NUB1: variants seen among roughly 807,000 people sequenced by gnomAD.
NUB1 encodes the protein negative regulator of ubiquitin like proteins 1.
In NUB1, 41 loss-of-function variants were observed where a neutral mutation model predicts 77.1. The ratio of observed to expected loss-of-function variants is 0.53; its 90% CI spans 0.41 to 0.69. NUB1 has a LOEUF of 0.69. NUB1 is among the 30% of genes least tolerant of loss of function. The pLI is 0.00. For missense variants in NUB1, 643 were observed against 743.8 expected (o/e 0.86, Z 1.58); for synonymous variants, 257 against 281.0 (o/e 0.91, Z 0.85).
chr7:151,367,393 G>T (rs1797742505), intron 9 of NUB1, among the ~76,000 whole-genome samples: 1 of 152,218 alleles, frequency 6.6e-6, no homozygotes, highest in Admixed American at 6.5e-5. Context: ...CCAGGAGAGA[G>T]CTGCTGACTT....
intron 11 of NUB1, among the ~76,000 whole-genome samples, chr7:151,371,404 G>A (rs1473984549): frequency 5.1e-5 from 6 of 118,620 alleles, no homozygotes; most frequent in Admixed American, 2.5e-4. Flanking sequence ...GTCACAACAA[G>A]GGCCATAATC....
intron 2 of NUB1, among the ~76,000 whole-genome samples, chr7:151,348,569 CTTTTT>C (rs59781719): frequency 0.077 from 5,370 of 69,888 alleles, 139 homozygotes; most frequent in East Asian, 0.37. Flanking sequence ...TTGCTTTTTG[CTTTTT>C]TTTTTTTTTT....
At chr7:151,342,030 T>C in intron 1 of NUB1, 184 bp downstream of exon 1, 2 of 1,156,512 alleles carry the variant, frequency 1.7e-6, no homozygotes, top group Non-Finnish European at 2.2e-6. Context: ...GGGCCGGGCT[T>C]CGGGACGCGC....
At chr7:151,373,787 G>A (rs1463702773) in intron 11 of NUB1, among the ~76,000 whole-genome samples, 1 of 152,260 alleles carries the variant, frequency 6.6e-6, no homozygotes, top group East Asian at 1.9e-4. Context: ...TGCAGTGGGA[G>A]TGCTGGGTTG....
chr7:151,345,907 A>T (rs184744852), intron 2 of NUB1, among the ~76,000 whole-genome samples: 2 of 152,292 alleles, frequency 1.3e-5, no homozygotes, highest in East Asian at 1.9e-4. Context: ...TTTTTCCAAA[A>T]TAGGTTTTTT....
intron 12 of NUB1, among the ~76,000 whole-genome samples, chr7:151,375,494 G>A (rs892595056): frequency 5.3e-5 from 8 of 152,222 alleles, no homozygotes; most frequent in African/African-American, 1.9e-4. Context: ...TAAGTCTAGA[G>A]GGCATGACGC....
chr7:151,372,513 A>G (rs1483865210), intron 11 of NUB1, among the ~76,000 whole-genome samples: 4 of 152,200 alleles, frequency 2.6e-5, no homozygotes, highest in East Asian at 1.9e-4. Context: ...AAGAAACTGT[A>G]TTGAAAGCAG....
At chr7:151,344,931 C>T (rs544232773) in intron 1 of NUB1, among the ~76,000 whole-genome samples, 253 of 152,096 alleles carry the variant, frequency 1.7e-3, no homozygotes, top group Admixed American at 3.3e-3. Flanking sequence ...ACCCAGGGGG[C>T]GGAGCTTGCA....
At position 151,343,740 on chromosome 7, in the gene NUB1, G is replaced by C. The variant is rs1796321671; in HGVS notation, c.-2-1608G>C. ...TACCTGGAACAGGCAAGCAGCAAGG[G>C]ACTCCATGACGGAAGTTCAGAGTCC... On this transcript the variant is annotated intron_variant, in intron 1 of 14. Coordinates refer to ENST00000568733, the MANE Select transcript of NUB1 (RefSeq NM_001243351.2). 2.0e-5 allele frequency among the ~76,000 whole-genome samples: 3 copies of C among 152,174 alleles called. No homozygotes were observed. The South Asian group carries it at 6.2e-4, about 31-fold the overall frequency.
chr7:151,372,259 T>C (rs1273708251), intron 11 of NUB1, among the ~76,000 whole-genome samples: 2 of 152,270 alleles, frequency 1.3e-5, no homozygotes, highest in Admixed American at 6.5e-5. Context: ...GTCATTGATT[T>C]GATCTACTTT....
intron 12 of NUB1, among the ~76,000 whole-genome samples, chr7:151,374,877 A>G (rs938784182): frequency 1.3e-5 from 2 of 152,152 alleles, no homozygotes; most frequent in Admixed American, 1.3e-4. Flanking sequence ...CTCAGAGCAC[A>G]CGTGGTGAGG....
chr7:151,375,949 TGACAGGCCTTTGTGCCCTCA>T lies in NUB1; in HGVS notation c.1491+8_1491+27del, dbSNP rs1259630356. 2.8e-5 allele frequency: 44 copies of T among 1,592,770 alleles called. No individual in the cohort carries two copies. The highest frequency in any genetic ancestry group is 3.6e-5 in the Non-Finnish European group (42 of 1,160,970). ...CCCAGGAAAACATTGACCGAGTGAG[TGACAGGCCTTTGTGCCCTCA>T]GCTTGGACAGCCTCGGGTGGGGTTG... On this transcript the variant is annotated splice_region_variant and intron_variant, in intron 13 of 14. Transcript: ENST00000568733.
chr7:151,368,808 C>A lies in NUB1; in HGVS notation c.1169C>A (p.Ala390Asp). 1 of 1,613,976 alleles carries A rather than the reference C, an allele frequency of 6.2e-7. No homozygotes were observed. Among genetic ancestry groups the A allele is most frequent in the South Asian group, 1.1e-5 (1 of 91,072 alleles). Residue 390 changes from alanine to aspartate, a missense_variant, in exon 11 of 15, where the codon GCC (alanine) becomes GAC (aspartate). Transcript: ENST00000568733. ...VDNLLQLGFT[A>D]QEARLGLRAC... ...AATTTGTTGCAGTTGGGGTTTACTGCCCAGGAAGCCCGGCTTGGCCTGAGG... is the reference window on the plus strand; with the variant it reads ...AATTTGTTGCAGTTGGGGTTTACTGACCAGGAAGCCCGGCTTGGCCTGAGG...
At position 151,367,048 on chromosome 7, in the gene NUB1, G is replaced by A; in HGVS notation, c.910G>A (p.Glu304Lys). ...ACAGCTGGAATGCCTTGATGATGCA[G>A]AAAAAAAATTAAACTTGGCCCAGAA... ...LEQLECLDDA[E>K]KKLNLAQKCF... The change falls in exon 9 of 15, where the codon GAA becomes AAA. Residue 304 changes from glutamate to lysine, a missense_variant. Transcript: ENST00000568733. The A allele has an allele frequency of 6.2e-7, 1 of 1,613,450 alleles. No homozygotes were observed. The highest frequency in any genetic ancestry group is 8.5e-7 in the Non-Finnish European group (1 of 1,179,730).
intron 8 of NUB1, among the ~76,000 whole-genome samples, chr7:151,362,239 AG>A (rs1458772968): frequency 6.6e-6 from 1 of 152,128 alleles, no homozygotes; most frequent in African/African-American, 2.4e-5. Context: ...AAGTAGAGAA[AG>A]TTTTTTTTTT....
At chr7:151,368,439 C>G (rs4726017) in intron 10 of NUB1, among the ~76,000 whole-genome samples, 1 of 152,224 alleles carries the variant, frequency 6.6e-6, no homozygotes, top group South Asian at 2.1e-4. Flanking sequence ...AGAAATGCCA[C>G]GTGCACAGCT....
chr7:151,374,828 C>T (rs957895930), intron 12 of NUB1, among the ~76,000 whole-genome samples: 2 of 152,176 alleles, frequency 1.3e-5, no homozygotes, highest in African/African-American at 2.4e-5. Flanking sequence ...ATGGAACCAC[C>T]CTCTGCCCTC....
At chr7:151,362,379 G>A (rs919250096) in intron 8 of NUB1, among the ~76,000 whole-genome samples, 2 of 152,138 alleles carry the variant, frequency 1.3e-5, no homozygotes, top group Non-Finnish European at 2.9e-5. Context: ...GAATGCAGAT[G>A]GAGGAAACTT....
chr7:151,367,528 C>T (rs2150701424), intron 9 of NUB1, among the ~76,000 whole-genome samples: 1 of 152,290 alleles, frequency 6.6e-6, no homozygotes, highest in South Asian at 2.1e-4. Context: ...TTTCTGATTT[C>T]CCCAAGTCAT....
Sources: gnomAD v4.1 joint callset for allele counts (sites outside exome capture counted in the v4.1 genomes callset) on GRCh38, gnomAD v4.1.1 for gene constraint, MANE v1.5 for transcripts, NCBI Gene and HGNC (gene_info 2026-07-23, HGNC 2026-07-21) for gene names.